Variants in TUFT1 observed in about 807,000 individuals in gnomAD.
TUFT1 encodes the protein tuftelin 1.
Under a neutral mutation model 57.8 loss-of-function variants are expected in TUFT1, and 43 were observed. That is an observed-to-expected ratio of 0.74 (90% CI 0.58 to 0.96). TUFT1 has a LOEUF of 0.96. Among genes scored for constraint, TUFT1 ranks in the 40% least tolerant of loss-of-function variants. The probability of loss-of-function intolerance (pLI) is 0.00; values close to 1 mark genes in which losing one functional copy is unlikely to be tolerated. For missense variants in TUFT1, 459 were observed against 489.0 expected (o/e 0.94, Z 0.58); for synonymous variants, 166 against 176.7 (o/e 0.94, Z 0.48).
At chr1:151,542,589 A>T (rs1665203769) in intron 1 of TUFT1, among the ~76,000 whole-genome samples, 1 of 152,148 alleles carries the variant, frequency 6.6e-6, no homozygotes, top group South Asian at 2.1e-4. Context: ...AAAAATTACT[A>T]AGAGAAAATA....
chr1:151,546,058 A>G (rs180681729), intron 1 of TUFT1, among the ~76,000 whole-genome samples: 1 of 135,156 alleles, frequency 7.4e-6, no homozygotes, highest in Admixed American at 7.5e-5. Context: ...ACTTTAATGC[A>G]TTTTAAAATT....
At chr1:151,542,203 CTTTCT>C (rs763578125) in intron 1 of TUFT1, among the ~76,000 whole-genome samples, 4 of 151,584 alleles carry the variant, frequency 2.6e-5, no homozygotes, top group Admixed American at 1.3e-4. Flanking sequence ...TTCTTTCTTC[CTTTCT>C]TTTCTTTTCT....
intron 5 of TUFT1, 85 bp from the exon 6 acceptor site, chr1:151,566,078 T>C: frequency 1.6e-6 from 1 of 634,852 alleles, no homozygotes; most frequent in African/African-American, 2.0e-5. Flanking sequence ...CTTCTCTTTC[T>C]AAGATTTGAG....
Position 151,574,946 on chromosome 1 carries a change from G to T in TUFT1, c.759G>T (p.Gly253=). The change falls in exon 9 of 13, where the codon GGG becomes GGT. Residue 253 remains glycine (G), a synonymous_variant. Coordinates refer to ENST00000368849, the MANE Select transcript of TUFT1 (RefSeq NM_020127.3). The part of the protein sequence containing the change: ...HQALLAKVRE[G]EVALEELRSN... The stretch of plus-strand genomic sequence containing the variant: ...CCTTACTGGCGAAAGTGAGGGAAGG[G>T]GAGGTGGCCCTAGAGGAACTTCGGA... The T allele has an allele frequency of 6.3e-7, 1 of 1,578,364 alleles. No individual in the cohort carries two copies.
chr1:151,560,563 TC>T (rs939472192), intron 1 of TUFT1, among the ~76,000 whole-genome samples: 2 of 152,194 alleles, frequency 1.3e-5, no homozygotes, highest in African/African-American at 4.8e-5. Flanking sequence ...TTAAGAGGGT[TC>T]CTTAAAACCT....
intron 9 of TUFT1, among the ~76,000 whole-genome samples, chr1:151,576,655 C>T (rs551856548): frequency 2.2e-4 from 33 of 152,294 alleles, no homozygotes; most frequent in Non-Finnish European, 4.4e-4. Flanking sequence ...TTTTTCGAGA[C>T]GGAGTCTCAC....
rs1666703348 is a variant in TUFT1 at position 151,583,397 on chromosome 1, C to G, written c.*1690C>G. 6.6e-6 allele frequency: 1 copy of G among 152,168 alleles called. No homozygotes were observed. The allele number at this position is 152,168 out of a possible 1,614,324, so 9.4% of individuals were successfully genotyped here. A position where few individuals can be genotyped will look rare whatever the true frequency, so the allele number is the denominator to read the frequency against. On this transcript the variant is annotated 3_prime_UTR_variant, in exon 13 of 13. Coordinates refer to ENST00000368849, the MANE Select transcript of TUFT1 (RefSeq NM_020127.3). Reference sequence around the variant, plus strand: ...TCCTTAAGTCTGTGTGTTTCTGTGTCTCAAGACTGGGCTCACATTCTGGCT... The same window carrying G: ...TCCTTAAGTCTGTGTGTTTCTGTGTGTCAAGACTGGGCTCACATTCTGGCT...
intron 8 of TUFT1, 38 bp from the exon 9 acceptor site, chr1:151,574,873 A>G (rs759187020): frequency 1.3e-6 from 2 of 1,529,968 alleles, no homozygotes; most frequent in South Asian, 2.4e-5. Context: ...AACTGTTGCC[A>G]TCTTCTCATC....
At chr1:151,543,327 A>ATATGTG (rs1553248138) in intron 1 of TUFT1, among the ~76,000 whole-genome samples, 27 of 146,858 alleles carry the variant, frequency 1.8e-4, no homozygotes, top group East Asian at 1.4e-3. Flanking sequence ...TTATATATAT[A>ATATGTG]TGTGTGTGTG....
In TUFT1 at chr1:151,543,619, C is replaced by T. The variant is rs556459013; in HGVS notation, c.60+3193C>T. Among the ~76,000 whole-genome samples, 66 of 152,216 alleles carry T rather than the reference C, an allele frequency of 4.3e-4. 1 individual carries two copies. The South Asian group carries it at 0.012, about 29-fold the overall frequency. ...AGAATTTAAGGGAAAGCTTAGAAAGCCCTAACCAAGGATGTTCTGGGGCCT... is the reference window on the plus strand; with the variant it reads ...AGAATTTAAGGGAAAGCTTAGAAAGTCCTAACCAAGGATGTTCTGGGGCCT... On this transcript the variant is annotated intron_variant, in intron 1 of 12. Coordinates refer to ENST00000368849, the MANE Select transcript of TUFT1 (RefSeq NM_020127.3).
intron 11 of TUFT1, among the ~76,000 whole-genome samples, chr1:151,580,361 C>CA (rs1267805606): frequency 2.6e-5 from 4 of 151,972 alleles, no homozygotes; most frequent in South Asian, 2.1e-4. Context: ...CAACTGAGGA[C>CA]AAAAAATTAT....
intron 7 of TUFT1, among the ~76,000 whole-genome samples, chr1:151,572,991 G>A (rs1005802514): frequency 5.3e-5 from 8 of 152,216 alleles, no homozygotes; most frequent in African/African-American, 1.7e-4. Context: ...AATGGATGGT[G>A]AAGTATCTGG....
At chr1:151,563,668 C>T (rs1028782963) in intron 3 of TUFT1, among the ~76,000 whole-genome samples, 2 of 152,058 alleles carry the variant, frequency 1.3e-5, no homozygotes, top group Non-Finnish European at 2.9e-5. Context: ...AGTGTTTATG[C>T]CAATACAGCT....
intron 1 of TUFT1, among the ~76,000 whole-genome samples, chr1:151,559,721 CA>C: frequency 6.6e-6 from 1 of 152,158 alleles, no homozygotes; most frequent in South Asian, 2.1e-4. Flanking sequence ...CTTCCCAATC[CA>C]AAAAGTGGGA....
chr1:151,550,469 C>T (rs373351738), intron 1 of TUFT1, among the ~76,000 whole-genome samples: 3 of 151,978 alleles, frequency 2.0e-5, no homozygotes, highest in Non-Finnish European at 2.9e-5. Context: ...CTCAGTTTCC[C>T]GAGTAGCTGG....
intron 1 of TUFT1, among the ~76,000 whole-genome samples, chr1:151,551,662 G>A (rs574057058): frequency 2.0e-5 from 3 of 152,204 alleles, no homozygotes; most frequent in South Asian, 2.1e-4. Context: ...TGGAAGACCC[G>A]TTAGCAGAAA....
chr1:151,574,953 G>A lies in TUFT1; in HGVS notation c.766G>A (p.Ala256Thr). The change falls in exon 9 of 13, where the codon GCC becomes ACC. Residue 256 changes from alanine to threonine, a missense_variant. Transcript: ENST00000368849. Reference protein sequence around the residue: ...LLAKVREGEVALEELRSNNAD... With the variant: ...LLAKVREGEVTLEELRSNNAD... Reference sequence around the variant, plus strand: ...GGCGAAAGTGAGGGAAGGGGAGGTGGCCCTAGAGGAACTTCGGAGCAACAA... The same window carrying A: ...GGCGAAAGTGAGGGAAGGGGAGGTGACCCTAGAGGAACTTCGGAGCAACAA... The A allele has an allele frequency of 6.3e-7, 1 of 1,578,014 alleles. No individual in the cohort carries two copies. The highest frequency in any genetic ancestry group is 8.6e-7 in the Non-Finnish European group (1 of 1,161,526).
intron 1 of TUFT1, among the ~76,000 whole-genome samples, chr1:151,558,809 G>A (rs1019803812): frequency 6.6e-6 from 1 of 151,116 alleles, no homozygotes; most frequent in Non-Finnish European, 1.5e-5. Flanking sequence ...TTTTGAGACG[G>A]AGTCTTGCTC....
Position 151,581,807 on chromosome 1 carries a change from C to A in TUFT1, c.*100C>A. On this transcript the variant is annotated 3_prime_UTR_variant, in exon 13 of 13. Transcript: ENST00000368849. ...CACTGCCTTTGACTTCCTGACTGTC[C>A]CCTGGCTGCACCCAGGACTTCGGGC... 3 of 1,299,286 alleles carry A rather than the reference C, an allele frequency of 2.3e-6. No individual in the cohort carries two copies. Among genetic ancestry groups the A allele is most frequent in the Non-Finnish European group, 3.3e-6 (3 of 905,024 alleles). 80.5% of individuals were successfully genotyped at this position (1,299,286 alleles called of 1,614,324 possible).
Sources: allele counts gnomAD v4.1 joint callset (sites outside exome capture counted in the v4.1 genomes callset), GRCh38; gene constraint gnomAD v4.1.1; transcripts MANE v1.5; gene names NCBI Gene and HGNC (gene_info 2026-07-23, HGNC 2026-07-21).